PVT1: variants seen among roughly 807,000 people sequenced by gnomAD.
The protein encoded by PVT1 is Pvt1 oncogene.
chr8:127,979,996 C>G (rs1419982130), intron 3 of PVT1, among the ~76,000 whole-genome samples: 1 of 144,216 alleles, frequency 6.9e-6, no homozygotes, highest in African/African-American at 2.4e-5. Context: ...CCTTCCACCT[C>G]AGCCTCCCAA....
At chr8:128,033,818 C>T (rs557084226) in intron 4 of PVT1, among the ~76,000 whole-genome samples, 97 of 152,194 alleles carry the variant, frequency 6.4e-4, no homozygotes, top group Non-Finnish European at 1.2e-3. Context: ...CAGGGAGTCC[C>T]GATGCCAAAT....
At chr8:128,001,923 A>C (rs934829509) in intron 4 of PVT1, among the ~76,000 whole-genome samples, 1 of 152,098 alleles carries the variant, frequency 6.6e-6, no homozygotes, top group Non-Finnish European at 1.5e-5. Flanking sequence ...ATCGCCTCCC[A>C]AAGCCCCTAC....
intron 3 of PVT1, among the ~76,000 whole-genome samples, chr8:127,980,945 C>T (rs1353093079): frequency 1.3e-5 from 2 of 152,028 alleles, no homozygotes; most frequent in African/African-American, 2.4e-5. Context: ...TACGGGCATC[C>T]ACCACAACAC....
At position 127,837,903 on chromosome 8, in the gene PVT1, T is replaced by C. The variant is rs929748617; in HGVS notation, n.372+41832T>C. On this transcript the variant is annotated intron_variant and non_coding_transcript_variant, in intron 2 of 10. Transcript: ENST00000651587. Reference sequence around the variant, plus strand: ...AAGGGGTGTGATTATTTATGATTTTTTTTTTTTTTTTGAGGCGGAGTTTCA... The same window carrying C: ...AAGGGGTGTGATTATTTATGATTTTCTTTTTTTTTTTGAGGCGGAGTTTCA... 2.9e-4 allele frequency among the ~76,000 whole-genome samples: 44 copies of C among 152,160 alleles called. No homozygotes were observed. The Middle Eastern group carries it at 0.017, about 59-fold the overall frequency.
chr8:127,907,644 C>G (rs1815839396), intron 3 of PVT1, among the ~76,000 whole-genome samples: 1 of 152,188 alleles, frequency 6.6e-6, no homozygotes, highest in Non-Finnish European at 1.5e-5. Flanking sequence ...CAGTGAATTC[C>G]TGGATTAGTA....
chr8:127,919,659 G>T (rs867720444), intron 3 of PVT1, among the ~76,000 whole-genome samples: 1 of 152,158 alleles, frequency 6.6e-6, no homozygotes, highest in East Asian at 1.9e-4. Flanking sequence ...CCTTCCCTCT[G>T]CCTGGAAGAG....
At chr8:127,894,966 G>A (rs1004449043) in intron 3 of PVT1, among the ~76,000 whole-genome samples, 2 of 152,118 alleles carry the variant, frequency 1.3e-5, no homozygotes, top group African/African-American at 4.8e-5. Flanking sequence ...ATCCCAGAAC[G>A]ATAGCACTTT....
In PVT1 at chr8:127,852,453, T is replaced by C. The variant is rs530600735; in HGVS notation, n.373-38136T>C. The C allele has an allele frequency of 2.0e-5, 3 of 152,404 alleles. No homozygotes were observed. The South Asian group carries it at 6.2e-4, about 32-fold the overall frequency. 9.4% of individuals were successfully genotyped at this position (152,404 alleles called of 1,614,324 possible). A position where few individuals can be genotyped will look rare whatever the true frequency, so the allele number is the denominator to read the frequency against. On this transcript the variant is annotated intron_variant and non_coding_transcript_variant, in intron 2 of 10. Coordinates refer to ENST00000651587, the Ensembl canonical transcript of PVT1. ...GCAGTGAGGTGAAGTGGTCAGTGCG[T>C]CGACTCTGCCTCTAGCCTGCTGGGG...
intron 5 of PVT1, among the ~76,000 whole-genome samples, chr8:128,089,977 G>A (rs796803155): frequency 5.3e-5 from 8 of 152,220 alleles, no homozygotes; most frequent in African/African-American, 1.9e-4. Context: ...CATCTTTTCA[G>A]AATAATGCTT....
Position 127,997,053 on chromosome 8 carries a change from T to G in PVT1, n.912+7762T>G, listed in dbSNP as rs146488543. On this transcript the variant is annotated intron_variant and non_coding_transcript_variant, in intron 4 of 10. Coordinates refer to ENST00000651587, the Ensembl canonical transcript of PVT1. ...CTGGTCATTTGCTTTCGTTTTTTTT[T>G]TTTGTTTGTTTGTTTTTTGATACAG... 1.3e-3 allele frequency among the ~76,000 whole-genome samples: 172 copies of G among 134,244 alleles called. 15 individuals are homozygous for G. The highest frequency in any genetic ancestry group is 3.2e-3 in the African/African-American group (116 of 36,298). The allele number at this position is 134,244 out of a possible 152,430, so 88.1% of individuals were successfully genotyped here.
intron 3 of PVT1, among the ~76,000 whole-genome samples, chr8:127,976,163 G>T (rs1489955286): frequency 6.6e-6 from 1 of 152,206 alleles, no homozygotes; most frequent in Non-Finnish European, 1.5e-5. Context: ...TCAACTTGCA[G>T]TTGCAGAATC....
chr8:127,948,196 T>C lies in PVT1; in HGVS notation n.783-40966T>C, dbSNP rs567944367. On this transcript the variant is annotated intron_variant and non_coding_transcript_variant, in intron 3 of 10. Transcript: ENST00000651587. ...TACAGTATTGTGCGGTGGCTGTGGA[T>C]GGCGTGTAGTAGTGTTTTCCTTCTC... is the stretch of plus-strand genomic sequence containing the variant. 2.1e-3 allele frequency: 740 copies of C among 350,486 alleles called. 8 individuals are homozygous for C. Among genetic ancestry groups the C allele is most frequent in the South Asian group, 0.017 (722 of 43,494 alleles). The allele number at this position is 350,486 out of a possible 1,614,324, so 21.7% of individuals were successfully genotyped here. A position where few individuals can be genotyped will look rare whatever the true frequency, so the allele number is the denominator to read the frequency against.
intron 3 of PVT1, among the ~76,000 whole-genome samples, chr8:127,936,810 C>T (rs555824667): frequency 1.3e-5 from 2 of 152,322 alleles, no homozygotes; most frequent in South Asian, 4.1e-4. Context: ...GGAACATACC[C>T]TCCCGTGGGA....
chr8:127,998,849 C>CCTTCCT (rs1563661552), intron 4 of PVT1, among the ~76,000 whole-genome samples: 9 of 85,468 alleles, frequency 1.1e-4, no homozygotes, highest in African/African-American at 3.5e-4. Flanking sequence ...CCTTCCTTCC[C>CCTTCCT]TCCCTCCCTC....
At chr8:127,844,734 G>A (rs1563619866) in intron 2 of PVT1, among the ~76,000 whole-genome samples, 1 of 150,274 alleles carries the variant, frequency 6.7e-6, no homozygotes, top group Non-Finnish European at 1.5e-5. Context: ...TTGTTTTTAA[G>A]ATGGAGTCTC....
intron 2 of PVT1, among the ~76,000 whole-genome samples, chr8:127,851,015 A>T: frequency 6.7e-6 from 1 of 148,954 alleles, no homozygotes. Context: ...TCAAAAAAAA[A>T]AATTAAAAAA....
chr8:128,026,399 T>C (rs1428124010), intron 4 of PVT1, among the ~76,000 whole-genome samples: 1 of 152,196 alleles, frequency 6.6e-6, no homozygotes, highest in Non-Finnish European at 1.5e-5. Context: ...CTCTGTTTTT[T>C]GTTTGGGCTC....
chr8:127,860,784 A>AG (rs35712314), intron 2 of PVT1, among the ~76,000 whole-genome samples: 40,665 of 143,158 alleles, frequency 0.28, 7,288 homozygotes, highest in Middle Eastern at 0.43. Context: ...AAAAAAAAAA[A>AG]GGAGAAGACA....
At chr8:127,973,431 A>ATGGGGG (rs1314001708) in intron 3 of PVT1, among the ~76,000 whole-genome samples, 17 of 152,210 alleles carry the variant, frequency 1.1e-4, no homozygotes, top group African/African-American at 4.1e-4. Context: ...TACTGAGGTC[A>ATGGGGG]TGGGGGTAAA....
Sources: gnomAD v4.1 joint callset for allele counts (sites outside exome capture counted in the v4.1 genomes callset) on GRCh38, gnomAD v4.1.1 for gene constraint, MANE v1.5 for transcripts, NCBI Gene and HGNC (gene_info 2026-07-23, HGNC 2026-07-21) for gene names.